Variants in HTR5A observed in about 807,000 individuals in gnomAD.
HTR5A encodes 5-HT-5.
Under a neutral mutation model 24.3 loss-of-function variants are expected in HTR5A, and 21 were observed. That is an observed-to-expected ratio of 0.86 (90% CI 0.61 to 1.24). The LOEUF (loss-of-function observed/expected upper bound fraction) is 1.24, where lower values mean the gene tolerates loss of function less well. HTR5A is among the 50% of genes most tolerant of loss of function. The probability of loss-of-function intolerance (pLI) is 0.00; values close to 1 mark genes in which losing one functional copy is unlikely to be tolerated. For synonymous variants in HTR5A, 260 were observed against 213.7 expected (o/e 1.22, Z -1.89); for missense variants, 497 against 489.5 (o/e 1.02, Z -0.15).
chr7:155,079,816 G>A (rs1795396832), intron 1 of HTR5A, among the ~76,000 whole-genome samples: 1 of 152,136 alleles, frequency 6.6e-6, no homozygotes. Flanking sequence ...CCAAACAGAT[G>A]GAGAAGGGGA....
intron 1 of HTR5A, among the ~76,000 whole-genome samples, chr7:155,078,513 A>G (rs949867730): frequency 6.6e-6 from 1 of 152,148 alleles, no homozygotes; most frequent in African/African-American, 2.4e-5. Flanking sequence ...GGGTCTCACC[A>G]TGTTGCCCAT....
At chr7:155,081,312 A>G (rs1208577369) in intron 1 of HTR5A, among the ~76,000 whole-genome samples, 3 of 152,216 alleles carry the variant, frequency 2.0e-5, no homozygotes, top group African/African-American at 7.2e-5. Flanking sequence ...ATTATTAGAC[A>G]GGCAAAGCAG....
At chr7:155,078,751 C>CTTTCTT (rs1795384948) in intron 1 of HTR5A, among the ~76,000 whole-genome samples, 1 of 139,198 alleles carries the variant, frequency 7.2e-6, no homozygotes, top group Non-Finnish European at 1.5e-5. Flanking sequence ...TTCTGTGCTT[C>CTTTCTT]TTTTTTTTTT....
At chr7:155,082,013 A>G (rs1006561294) in intron 1 of HTR5A, among the ~76,000 whole-genome samples, 13 of 152,254 alleles carry the variant, frequency 8.5e-5, no homozygotes, top group Admixed American at 8.5e-4. Flanking sequence ...CCTAAGTGTC[A>G]TTGATATCAC....
chr7:155,081,131 A>T (rs575043161), intron 1 of HTR5A, among the ~76,000 whole-genome samples: 1 of 152,152 alleles, frequency 6.6e-6, no homozygotes. Context: ...GTGTAAGGCC[A>T]TTTTTAGCTT....
chr7:155,073,086 C>T (rs575529335), intron 1 of HTR5A, among the ~76,000 whole-genome samples: 2 of 151,854 alleles, frequency 1.3e-5, no homozygotes, highest in Non-Finnish European at 2.9e-5. Context: ...TTTGGGAGGC[C>T]GAGGCGGGCA....
chr7:155,082,208 G>A (rs1946917), intron 1 of HTR5A, among the ~76,000 whole-genome samples: 136,149 of 151,584 alleles, frequency 0.9, 62,896 homozygotes, highest in East Asian at 1. Context: ...CACCAGTGTG[G>A]CCAGCATCCA....
At position 155,071,289 on chromosome 7, in the gene HTR5A, G is replaced by C; in HGVS notation, c.390G>C (p.Trp130Cys). 1 of 1,609,144 alleles carries C rather than the reference G, an allele frequency of 6.2e-7. No homozygotes were observed. Among genetic ancestry groups the C allele is most frequent in the Admixed American group, 1.7e-5 (1 of 60,030 alleles). ...CDVLCCTASI[W>C]NVTAIALDRY... is the part of the protein sequence containing the mutation. ...TGCTTTGCTGCACGGCCAGCATCTGGAACGTGACGGCCATAGCCCTGGACC... is the reference window on the plus strand; with the variant it reads ...TGCTTTGCTGCACGGCCAGCATCTGCAACGTGACGGCCATAGCCCTGGACC... Residue 130 changes from tryptophan (W) to cysteine (C), a missense_variant, in exon 1 of 2, where the codon TGG becomes TGC. Physicochemically the swap from Trp to Cys is radical, Grantham distance 215. Transcript: ENST00000287907.
intron 1 of HTR5A, 72 bp downstream of exon 1, chr7:155,071,712 CCA>C: frequency 6.7e-7 from 1 of 1,488,900 alleles, no homozygotes; most frequent in Non-Finnish European, 9.1e-7. Context: ...GCCACCTGCC[CCA>C]CCCCCACACT....
chr7:155,070,998 GC>G lies in HTR5A; in HGVS notation c.103del (p.Leu35CysfsTer62). On this transcript the variant is annotated frameshift_variant, in exon 1 of 2. Coordinates refer to ENST00000287907, the MANE Select transcript of HTR5A (RefSeq NM_024012.4). LOFTEE classifies it high-confidence loss of function. ...LGKDDLRPSS[P>X]LLSVFGVLIL... ...GCAAAGACGACCTGCGCCCCAGCTCGCCCCTGCTCTCGGTCTTCGGAGTGCT... is the reference window on the plus strand; with the variant it reads ...GCAAAGACGACCTGCGCCCCAGCTCGCCCTGCTCTCGGTCTTCGGAGTGCT... 1 of 1,611,812 alleles carries G rather than the reference GC, an allele frequency of 6.2e-7. No homozygotes were observed.
chr7:155,073,903 A>ATGTATATATATATATGTGTG (rs10676343), intron 1 of HTR5A, among the ~76,000 whole-genome samples: 1 of 128,386 alleles, frequency 7.8e-6, no homozygotes, highest in Non-Finnish European at 1.6e-5. Flanking sequence ...ATATATATAT[A>ATGTATATATATATATGTGTG]TATATATATA....
Position 155,070,597 on chromosome 7 carries a change from T to G in HTR5A, c.-303T>G. The G allele has an allele frequency of 2.3e-6, 1 of 437,618 alleles. No homozygotes were observed. The highest frequency in any genetic ancestry group is 4.2e-6 in the Non-Finnish European group (1 of 237,846). 27.1% of individuals were successfully genotyped at this position (437,618 alleles called of 1,614,324 possible). Reference sequence around the variant, plus strand: ...TCGGCTCTGGGCGGCCAAACAGCCTTTCCACCAAGGCGAGGAGCCCTGGGC... The same window carrying G: ...TCGGCTCTGGGCGGCCAAACAGCCTGTCCACCAAGGCGAGGAGCCCTGGGC... On this transcript the variant is annotated 5_prime_UTR_variant, in exon 1 of 2. Transcript: ENST00000287907.
chr7:155,070,818 T>G lies in HTR5A; in HGVS notation c.-82T>G. Reference sequence around the variant, plus strand: ...TGGCCAGAGGTTGCAAACATCCGGATTGGCTCTGGGCACAGTGGCCGCCTT... The same window carrying G: ...TGGCCAGAGGTTGCAAACATCCGGAGTGGCTCTGGGCACAGTGGCCGCCTT... On this transcript the variant is annotated 5_prime_UTR_variant, in exon 1 of 2. Coordinates refer to ENST00000287907, the MANE Select transcript of HTR5A (RefSeq NM_024012.4). The G allele has an allele frequency of 7.1e-7, 1 of 1,411,392 alleles. No homozygotes were observed. The highest frequency in any genetic ancestry group is 9.6e-7 in the Non-Finnish European group (1 of 1,045,656). The allele number at this position is 1,411,392 out of a possible 1,614,324, so 87.4% of individuals were successfully genotyped here.
chr7:155,071,775 G>A (rs1795298708), intron 1 of HTR5A, 135 bp downstream of exon 1: 2 of 844,050 alleles, frequency 2.4e-6, no homozygotes, highest in African/African-American at 1.7e-5. Context: ...TAAACTGGGA[G>A]AGTGGAAGAA....
At chr7:155,082,142 G>A (rs902321007) in intron 1 of HTR5A, among the ~76,000 whole-genome samples, 4 of 143,256 alleles carry the variant, frequency 2.8e-5, no homozygotes, top group East Asian at 1.9e-4. Context: ...CATCTCCAGC[G>A]TGACCAGCAT....
chr7:155,083,107 C>T (rs545729541), intron 1 of HTR5A, among the ~76,000 whole-genome samples: 263 of 152,192 alleles, frequency 1.7e-3, no homozygotes, highest in African/African-American at 5.7e-3. Context: ...CAGTTCCTTT[C>T]GAGTCCACTT....
intron 1 of HTR5A, among the ~76,000 whole-genome samples, chr7:155,081,921 C>G (rs1305523275): frequency 6.6e-6 from 1 of 152,206 alleles, no homozygotes; most frequent in Non-Finnish European, 1.5e-5. Context: ...GTAAAATAAT[C>G]AACATTTCAC....
At chr7:155,079,900 A>G (rs887989369) in intron 1 of HTR5A, among the ~76,000 whole-genome samples, 1 of 152,198 alleles carries the variant, frequency 6.6e-6, no homozygotes, top group African/African-American at 2.4e-5. Context: ...ACAAGTCGAC[A>G]AGTCAGGAAT....
At chr7:155,078,763 AC>A (rs1795385591) in intron 1 of HTR5A, among the ~76,000 whole-genome samples, 1 of 34,174 alleles carries the variant, frequency 2.9e-5, no homozygotes, top group Non-Finnish European at 9.4e-5. Flanking sequence ...TTTTTTTTTT[AC>A]CATTTTTTCT....
Sources: allele counts gnomAD v4.1 joint callset (sites outside exome capture counted in the v4.1 genomes callset), GRCh38; gene constraint gnomAD v4.1.1; transcripts MANE v1.5; gene names NCBI Gene and HGNC (gene_info 2026-07-23, HGNC 2026-07-21).